Variants in USO1 observed in about 807,000 individuals in gnomAD.
USO1 encodes the protein USO1 vesicle transport factor.
USO1 carries 57 observed loss-of-function variants against 124.5 expected under a neutral mutation model. The ratio of observed to expected loss-of-function variants is 0.46; its 90% CI spans 0.37 to 0.57. The LOEUF (loss-of-function observed/expected upper bound fraction) is 0.57, where lower values mean the gene tolerates loss of function less well. Ranked by LOEUF, USO1 falls within the 20% of genes least tolerant of loss-of-function variation. USO1 has a pLI of 0.00. For synonymous variants in USO1, 369 were observed against 362.8 expected, an observed-to-expected ratio of 1.02 and a Z score of -0.19; for missense variants, 900 against 1,040.6, an observed-to-expected ratio of 0.86 and a Z score of 1.86.
chr4:75,751,322 C>T (rs1190819268), intron 1 of USO1, among the ~76,000 whole-genome samples: 1 of 150,650 alleles, frequency 6.6e-6, no homozygotes, highest in Non-Finnish European at 1.5e-5. Context: ...AGCAATTCTT[C>T]TGCCTCAGCC....
chr4:75,799,329 A>AT (rs1424367351), intron 13 of USO1, among the ~76,000 whole-genome samples: 1 of 151,948 alleles, frequency 6.6e-6, no homozygotes, highest in South Asian at 2.1e-4. Flanking sequence ...CTCCACACTG[A>AT]TTTTTTTCCT....
In USO1 at chr4:75,771,078, C is replaced by G. The variant is rs371140141; in HGVS notation, c.500-4C>G. 4 of 1,611,100 alleles carry G rather than the reference C, an allele frequency of 2.5e-6. No individual in the cohort carries two copies. The highest frequency in any genetic ancestry group is 1.7e-5 in the Admixed American group (1 of 59,270). On this transcript the variant is annotated splice_region_variant and splice_polypyrimidine_tract_variant and intron_variant, in intron 6 of 23. Coordinates refer to ENST00000514213, the MANE Select transcript of USO1 (RefSeq NM_003715.4). ...AGCATTTTTCACATGGTTGTATGTT[C>G]TAGGTGTTTCAAGATTGATGGACTT...
At chr4:75,781,705 A>G (rs964599074) in intron 8 of USO1, among the ~76,000 whole-genome samples, 3 of 152,120 alleles carry the variant, frequency 2.0e-5, no homozygotes, top group African/African-American at 7.2e-5. Flanking sequence ...GAGAAACTCT[A>G]TTTGTACTTA....
intron 1 of USO1, 131 bp downstream of exon 1, chr4:75,725,016 GC>G (rs1163423560): frequency 2.2e-6 from 2 of 919,974 alleles, no homozygotes; most frequent in East Asian, 5.3e-5. Context: ...CTCCCCCTTT[GC>G]CCTCCTTCCG....
intron 4 of USO1, among the ~76,000 whole-genome samples, chr4:75,767,926 A>C (rs936829204): frequency 7.2e-5 from 11 of 152,234 alleles, no homozygotes; most frequent in African/African-American, 2.2e-4. Context: ...ACTGTAGATC[A>C]ATTTGTGAAA....
chr4:75,740,911 A>G (rs992565306), intron 1 of USO1, among the ~76,000 whole-genome samples: 2 of 152,176 alleles, frequency 1.3e-5, no homozygotes, highest in Non-Finnish European at 2.9e-5. Flanking sequence ...ACATCCTTCT[A>G]CAGTGTTGTC....
At chr4:75,769,573 T>C (rs1577949429) in intron 4 of USO1, among the ~76,000 whole-genome samples, 2 of 152,160 alleles carry the variant, frequency 1.3e-5, no homozygotes, top group East Asian at 3.9e-4. Flanking sequence ...AGTGGAGTAC[T>C]ATATGGAAAA....
At chr4:75,739,139 A>ACTGAGC (rs1246238262) in intron 1 of USO1, among the ~76,000 whole-genome samples, 1 of 152,182 alleles carries the variant, frequency 6.6e-6, no homozygotes. Flanking sequence ...GGCGTGAGCC[A>ACTGAGC]CTGAGCCCAG....
chr4:75,809,089 G>T, intron 21 of USO1, 38 bp downstream of exon 21: 1 of 1,533,378 alleles, frequency 6.5e-7, no homozygotes, highest in South Asian at 1.3e-5. Context: ...AGGTAATAAA[G>T]ACAAGGTTGA....
rs1723177921 is a variant in USO1 at position 75,812,479 on chromosome 4, A to G, written c.2799+104A>G. 4 of 1,388,044 alleles carry G rather than the reference A, an allele frequency of 2.9e-6. No homozygotes were observed. In the South Asian group the frequency reaches 5.5e-5, roughly 19 times the overall value. The allele number at this position is 1,388,044 out of a possible 1,614,324, so 86.0% of individuals were successfully genotyped here. A position where few individuals can be genotyped will look rare whatever the true frequency, so the allele number is the denominator to read the frequency against. ...GAAAAGTTGTGCCTGTATTATAGGA[A>G]TGGATATGTGGGTTCATGAATATGG... On this transcript the variant is annotated intron_variant, in intron 23 of 23. Transcript: ENST00000514213.
intron 13 of USO1, among the ~76,000 whole-genome samples, chr4:75,797,286 A>G (rs1722713207): frequency 6.6e-6 from 1 of 151,880 alleles, no homozygotes; most frequent in Non-Finnish European, 1.5e-5. Context: ...ACTGTATGAG[A>G]TACAGATCCA....
intron 4 of USO1, among the ~76,000 whole-genome samples, chr4:75,765,696 T>C (rs1721751776): frequency 6.6e-6 from 1 of 151,146 alleles, no homozygotes; most frequent in Non-Finnish European, 1.5e-5. Flanking sequence ...AAAATCACAA[T>C]TTACCAAGCA....
intron 14 of USO1, 71 bp downstream of exon 14, chr4:75,799,803 G>A: frequency 1.3e-6 from 2 of 1,546,232 alleles, no homozygotes; most frequent in Non-Finnish European, 1.8e-6. Flanking sequence ...TCAATTAGAA[G>A]TAGTTCTATG....
chr4:75,727,227 G>A (rs1395910548), intron 1 of USO1, among the ~76,000 whole-genome samples: 4 of 152,192 alleles, frequency 2.6e-5, no homozygotes, highest in Non-Finnish European at 5.9e-5. Context: ...AAAGTAGCTT[G>A]CACAAGGTTG....
intron 3 of USO1, among the ~76,000 whole-genome samples, chr4:75,756,194 A>G (rs1249584911): frequency 6.6e-6 from 1 of 151,332 alleles, no homozygotes; most frequent in East Asian, 2.0e-4. Context: ...AAGAAGTAGA[A>G]CAGGAACGCA....
intron 3 of USO1, among the ~76,000 whole-genome samples, chr4:75,754,636 A>G (rs754720338): frequency 6.6e-6 from 1 of 152,178 alleles, no homozygotes; most frequent in African/African-American, 2.4e-5. Flanking sequence ...CATCTCAGTC[A>G]TGAGCATCTT....
intron 4 of USO1, among the ~76,000 whole-genome samples, chr4:75,761,589 C>T (rs1287006100): frequency 6.6e-6 from 1 of 152,146 alleles, no homozygotes; most frequent in Admixed American, 6.6e-5. Flanking sequence ...TAGTTACTGA[C>T]ATTTCTTACC....
At position 75,800,753 on chromosome 4, in the gene USO1, C is replaced by T. The variant is rs768966742; in HGVS notation, c.1818C>T (p.Tyr606=). Residue 606 remains tyrosine, a synonymous_variant, in exon 16 of 24, where the codon TAC becomes TAT. Transcript: ENST00000514213. ...AGCCAAACTTTCCCAGTCCAGAATA[C>T]ATGATATTTGATCATGAGTTTACGA... is the stretch of plus-strand genomic sequence containing the variant. ...KPQPNFPSPE[Y]MIFDHEFTKL... is the part of the protein sequence containing the mutation. The T allele has an allele frequency of 6.2e-7, 1 of 1,613,444 alleles. No individual in the cohort carries two copies. The highest frequency in any genetic ancestry group is 8.5e-7 in the Non-Finnish European group (1 of 1,179,710).
intron 17 of USO1, among the ~76,000 whole-genome samples, chr4:75,803,664 GA>G (rs899443501): frequency 1.4e-5 from 2 of 148,002 alleles, no homozygotes; most frequent in African/African-American, 2.5e-5. Flanking sequence ...AAAAAAAAAA[GA>G]AAAAAAATAC....
Sources: allele counts gnomAD v4.1 joint callset (sites outside exome capture counted in the v4.1 genomes callset), GRCh38; gene constraint gnomAD v4.1.1; transcripts MANE v1.5; gene names NCBI Gene and HGNC (gene_info 2026-07-23, HGNC 2026-07-21).